Variants in PCGF5 observed in about 807,000 individuals in gnomAD.
The protein encoded by PCGF5 is polycomb group RING finger protein 5.
A neutral mutation model predicts 44.3 loss-of-function variants in PCGF5; 9 were observed. That is an observed-to-expected ratio of 0.20 (90% CI 0.12 to 0.35). The LOEUF (loss-of-function observed/expected upper bound fraction) is 0.35. PCGF5 is among the 10% of genes least tolerant of loss of function. The pLI is 1.00. For missense variants in PCGF5, 146 were observed against 305.3 expected, an observed-to-expected ratio of 0.48 and a Z score of 3.89; for synonymous variants, 95 against 102.5, an observed-to-expected ratio of 0.93 and a Z score of 0.44.
intron 1 of PCGF5, among the ~76,000 whole-genome samples, chr10:91,166,437 T>C (rs900551798): frequency 6.6e-6 from 1 of 152,238 alleles, no homozygotes; most frequent in Non-Finnish European, 1.5e-5. Flanking sequence ...CCTTTCCACA[T>C]TGAAGAAGTT....
chr10:91,208,994 CAAAT>C (rs1444721679), intron 1 of PCGF5, among the ~76,000 whole-genome samples: 1 of 152,166 alleles, frequency 6.6e-6, no homozygotes, highest in Non-Finnish European at 1.5e-5. Context: ...GGCTTTTGGT[CAAAT>C]ACTTTTTTTC....
chr10:91,195,363 A>G (rs1844109281), intron 1 of PCGF5, among the ~76,000 whole-genome samples: 1 of 151,896 alleles, frequency 6.6e-6, no homozygotes, highest in African/African-American at 2.4e-5. Flanking sequence ...TATCCTTTCT[A>G]TCCATTGTCT....
At chr10:91,196,505 G>T (rs148815477) in intron 1 of PCGF5, among the ~76,000 whole-genome samples, 221 of 152,224 alleles carry the variant, frequency 1.5e-3, no homozygotes, top group African/African-American at 5.2e-3. Flanking sequence ...TATTCTCCCA[G>T]ATCTTTCCAT....
chr10:91,167,057 G>C (rs1328165324), intron 1 of PCGF5, among the ~76,000 whole-genome samples: 2 of 152,086 alleles, frequency 1.3e-5, no homozygotes, highest in Non-Finnish European at 2.9e-5. Flanking sequence ...GAAATATACA[G>C]TTCTCCTGCA....
At position 91,226,689 on chromosome 10, in the gene PCGF5, A is replaced by G. The variant is rs187271379; in HGVS notation, c.112+3706A>G. On this transcript the variant is annotated intron_variant, in intron 2 of 9. Transcript: ENST00000336126. ...GCTGGGCTGCCCTGTAGAAGTAGGT[A>G]GATATAGAAAGAAGGGCCCAAAAGG... Among the ~76,000 whole-genome samples the G allele has an allele frequency of 3.9e-3, 590 of 151,864 alleles. 3 individuals carry two copies. The highest frequency in any genetic ancestry group is 3.7e-3 in the Non-Finnish European group (251 of 68,010).
At chr10:91,254,868 G>A (rs1305465351) in intron 6 of PCGF5, among the ~76,000 whole-genome samples, 2 of 152,026 alleles carry the variant, frequency 1.3e-5, no homozygotes, top group African/African-American at 4.8e-5. Context: ...GATGCATATA[G>A]AGCATTTTAT....
intron 8 of PCGF5, among the ~76,000 whole-genome samples, chr10:91,269,569 C>T (rs1388561070): frequency 6.6e-6 from 1 of 152,020 alleles, no homozygotes; most frequent in African/African-American, 2.4e-5. Flanking sequence ...CAAGGTGTTC[C>T]AGTACCTACT....
At chr10:91,242,573 C>T (rs1845356827) in intron 3 of PCGF5, among the ~76,000 whole-genome samples, 1 of 152,072 alleles carries the variant, frequency 6.6e-6, no homozygotes. Flanking sequence ...GCTCCCTTGG[C>T]TAAAGTATAA....
chr10:91,174,331 AC>A (rs1843663536), intron 1 of PCGF5, among the ~76,000 whole-genome samples: 1 of 152,026 alleles, frequency 6.6e-6, no homozygotes, highest in Middle Eastern at 3.2e-3. Context: ...ACATGGTGAA[AC>A]CCCATCTTTA....
chr10:91,247,817 A>G (rs1399099130), intron 3 of PCGF5, among the ~76,000 whole-genome samples: 1 of 152,216 alleles, frequency 6.6e-6, no homozygotes, highest in African/African-American at 2.4e-5. Context: ...GAGAATGGGC[A>G]TATCAGCTGT....
intron 1 of PCGF5, among the ~76,000 whole-genome samples, chr10:91,167,901 A>G (rs1843528010): frequency 6.6e-6 from 1 of 152,224 alleles, no homozygotes; most frequent in Non-Finnish European, 1.5e-5. Flanking sequence ...GAAGTGAATA[A>G]AACAGAACTT....
chr10:91,219,590 T>A (rs990435641), upstream of PCGF5, among the ~76,000 whole-genome samples: 1 of 152,228 alleles, frequency 6.6e-6, no homozygotes, highest in Non-Finnish European at 1.5e-5. Flanking sequence ...CTGCGACTTA[T>A]GAAGTTGATC....
chr10:91,237,823 C>T (rs1436770933), intron 2 of PCGF5, among the ~76,000 whole-genome samples: 4 of 151,752 alleles, frequency 2.6e-5, no homozygotes, highest in Non-Finnish European at 2.9e-5. Flanking sequence ...GTGACTGGGC[C>T]TATTGAAACC....
At chr10:91,268,598 G>A (rs773961616) in intron 8 of PCGF5, among the ~76,000 whole-genome samples, 3 of 151,996 alleles carry the variant, frequency 2.0e-5, no homozygotes, top group Non-Finnish European at 2.9e-5. Flanking sequence ...TCTCTGCCCC[G>A]TGGAGTCTTT....
rs755316155 is a variant in PCGF5, at chr10:91,271,642, G to A, written c.668G>A (p.Arg223Gln). The A allele has an allele frequency of 3.7e-6, 6 of 1,613,392 alleles. No homozygotes were observed. The highest frequency in any genetic ancestry group is 1.7e-5 in the Admixed American group (1 of 59,960). Residue 223 changes from arginine to glutamine, a missense_variant, in exon 9 of 10, where the codon CGG becomes CAG. Around this residue, in one of 3 missense-constraint regions of PCGF5, gnomAD observed 123 missense variants for 268.6 expected, o/e 0.46. Transcript: ENST00000336126. Reference sequence around the variant, plus strand: ...ATGAGTTCATCTCCTCCGCAGTTTCGGTGTCTGAACTGCTCAGCTTCGCAA... The same window carrying A: ...ATGAGTTCATCTCCTCCGCAGTTTCAGTGTCTGAACTGCTCAGCTTCGCAA... ...TRWRLRGENFRCLNCSASQVC... is the reference protein window; with the variant it reads ...TRWRLRGENFQCLNCSASQVC...
chr10:91,215,395 C>T (rs1029079272), upstream of PCGF5, among the ~76,000 whole-genome samples: 2 of 152,218 alleles, frequency 1.3e-5, no homozygotes, highest in Non-Finnish European at 2.9e-5. Flanking sequence ...ATATAATAGT[C>T]ATCCAAAAAG....
intron 1 of PCGF5, among the ~76,000 whole-genome samples, chr10:91,213,401 C>G (rs1457353699): frequency 6.6e-6 from 1 of 152,090 alleles, no homozygotes; most frequent in African/African-American, 2.4e-5. Context: ...CAAATTAGTT[C>G]TGTGTCAGAT....
chr10:91,267,496 T>C (rs1846075100), intron 8 of PCGF5, among the ~76,000 whole-genome samples: 1 of 152,346 alleles, frequency 6.6e-6, no homozygotes, highest in East Asian at 1.9e-4. Context: ...CAATCAATAC[T>C]TGTTCAAAGA....
At chr10:91,157,387 T>A in the PCGF5 span, among the ~76,000 whole-genome samples, 1 of 152,222 alleles carries the variant, frequency 6.6e-6, no homozygotes, top group Non-Finnish European at 1.5e-5. Flanking sequence ...ATAGTCTGAA[T>A]GCATGTTGAA....
Sources: gnomAD v4.1 joint callset for allele counts (sites outside exome capture counted in the v4.1 genomes callset) on GRCh38, gnomAD v4.1.1 for gene constraint, gnomAD v4.1.1 regional missense constraint, MANE v1.5 for transcripts, NCBI Gene and HGNC (gene_info 2026-07-23, HGNC 2026-07-21) for gene names.